Variants in NLGN1 observed in about 807,000 individuals in gnomAD.
NLGN1 encodes neuroligin 1.
A neutral mutation model predicts 65.5 loss-of-function variants in NLGN1; 12 were observed. The ratio of observed to expected loss-of-function variants is 0.18; its 90% CI spans 0.12 to 0.30. The LOEUF (loss-of-function observed/expected upper bound fraction) is 0.30, where lower values mean the gene tolerates loss of function less well. Among genes scored for constraint, NLGN1 ranks in the 10% least tolerant of loss-of-function variants. The pLI is 1.00. For missense variants in NLGN1, 750 were observed against 1,007.1 expected (o/e 0.74, Z 3.46); for synonymous variants, 350 against 359.5 (o/e 0.97, Z 0.30).
At chr3:174,190,623 T>C (rs946496647) in intron 4 of NLGN1, among the ~76,000 whole-genome samples, 3 of 151,974 alleles carry the variant, frequency 2.0e-5, no homozygotes, top group African/African-American at 7.2e-5. Context: ...TCATCAAAAT[T>C]GCCTTATTCA....
chr3:173,793,848 C>T (rs1713359770), intron 3 of NLGN1, among the ~76,000 whole-genome samples: 2 of 152,180 alleles, frequency 1.3e-5, no homozygotes, highest in South Asian at 4.2e-4. Flanking sequence ...GTTTAAGACT[C>T]AGATAGGGCA....
chr3:173,747,801 C>CTTCTTCTTTTTTTTTTTTT (rs1775714048), intron 3 of NLGN1, among the ~76,000 whole-genome samples: 1 of 64,422 alleles, frequency 1.6e-5, no homozygotes, highest in African/African-American at 6.2e-5. Flanking sequence ...TCTTCTTGTT[C>CTTCTTCTTTTTTTTTTTTT]TTTTTTTTTT....
intron 4 of NLGN1, among the ~76,000 whole-genome samples, chr3:174,098,944 TTTG>T (rs2152571987): frequency 6.6e-6 from 1 of 152,346 alleles, no homozygotes; most frequent in South Asian, 2.1e-4. Flanking sequence ...AGATTTTAGC[TTTG>T]TTAACTTAAA....
chr3:173,562,562 TA>T (rs76883121), intron 2 of NLGN1, among the ~76,000 whole-genome samples: 1,543 of 140,104 alleles, frequency 0.011, 9 homozygotes, highest in African/African-American at 0.026. Flanking sequence ...CAAGATTGTC[TA>T]AAAAAAAAAA....
At chr3:173,934,504 C>G (rs1744698365) in intron 4 of NLGN1, among the ~76,000 whole-genome samples, 1 of 151,756 alleles carries the variant, frequency 6.6e-6, no homozygotes, top group South Asian at 2.1e-4. Context: ...GGATAAAACT[C>G]AAATGGTGAC....
At chr3:173,778,478 G>A (rs2150307025) in intron 3 of NLGN1, among the ~76,000 whole-genome samples, 1 of 151,902 alleles carries the variant, frequency 6.6e-6, no homozygotes, top group Non-Finnish European at 1.5e-5. Flanking sequence ...AAGGGTAGAG[G>A]AAAACCAATA....
chr3:173,959,166 G>A (rs1466494912), intron 4 of NLGN1, among the ~76,000 whole-genome samples: 6 of 152,210 alleles, frequency 3.9e-5, no homozygotes, highest in South Asian at 2.1e-4. Context: ...GCCTCCAAGA[G>A]CACAGGGATG....
intron 2 of NLGN1, among the ~76,000 whole-genome samples, chr3:173,564,565 C>G (rs1052198890): frequency 6.6e-6 from 1 of 152,086 alleles, no homozygotes; most frequent in Admixed American, 6.5e-5. Context: ...CATGTAAGAT[C>G]CAGTGTAGAA....
At chr3:173,812,485 T>C (rs889057803) in intron 4 of NLGN1, among the ~76,000 whole-genome samples, 6 of 152,042 alleles carry the variant, frequency 3.9e-5, no homozygotes, top group African/African-American at 1.2e-4. Context: ...CTCAGCACTT[T>C]GGGAGGCTGA....
chr3:174,059,417 A>G (rs1410315488), intron 4 of NLGN1, among the ~76,000 whole-genome samples: 1 of 152,184 alleles, frequency 6.6e-6, no homozygotes, highest in Non-Finnish European at 1.5e-5. Flanking sequence ...TGAAACTGCT[A>G]TAAATGAAAG....
At chr3:173,965,208 C>G (rs1468533554) in intron 4 of NLGN1, among the ~76,000 whole-genome samples, 2 of 152,130 alleles carry the variant, frequency 1.3e-5, no homozygotes, top group African/African-American at 4.8e-5. Context: ...CCAAAGAAAT[C>G]TAAGAACTCC....
intron 3 of NLGN1, among the ~76,000 whole-genome samples, chr3:173,708,284 C>G (rs1222774273): frequency 6.6e-6 from 1 of 152,186 alleles, no homozygotes; most frequent in Admixed American, 6.5e-5. Context: ...GACCCTTGGA[C>G]TCCTGCATCC....
intron 4 of NLGN1, among the ~76,000 whole-genome samples, chr3:174,192,770 G>C (rs1313349198): frequency 2.0e-5 from 3 of 152,080 alleles, no homozygotes; most frequent in African/African-American, 7.2e-5. Context: ...CCTATGAAAA[G>C]CATCTGTTAT....
At chr3:173,678,493 A>T (rs540828400) in intron 3 of NLGN1, among the ~76,000 whole-genome samples, 1 of 152,220 alleles carries the variant, frequency 6.6e-6, no homozygotes, top group South Asian at 2.1e-4. Context: ...GTATTGAAGG[A>T]ATCGTAGGAA....
At chr3:173,803,875 A>G (rs558392258) in intron 3 of NLGN1, among the ~76,000 whole-genome samples, 62 of 152,306 alleles carry the variant, frequency 4.1e-4, no homozygotes, top group African/African-American at 1.5e-3. Flanking sequence ...TCACAATTTT[A>G]AAACTGTTAA....
chr3:174,078,506 G>C (rs967255091), intron 4 of NLGN1, among the ~76,000 whole-genome samples: 1 of 152,056 alleles, frequency 6.6e-6, no homozygotes, highest in Non-Finnish European at 1.5e-5. Context: ...TATAGGATTA[G>C]AATATTTCTT....
At chr3:173,767,350 T>C (rs1213170624) in intron 3 of NLGN1, among the ~76,000 whole-genome samples, 1 of 152,078 alleles carries the variant, frequency 6.6e-6, no homozygotes, top group East Asian at 1.9e-4. Flanking sequence ...GTTAGGTAGA[T>C]GAGTGATGGA....
intron 3 of NLGN1, among the ~76,000 whole-genome samples, chr3:173,716,479 G>A (rs780191130): frequency 1.3e-5 from 2 of 152,046 alleles, no homozygotes; most frequent in African/African-American, 2.4e-5. Flanking sequence ...TAATATACAG[G>A]AAGCAAGAGG....
At chr3:173,534,872 A>G (rs776857205) in intron 2 of NLGN1, among the ~76,000 whole-genome samples, 4 of 152,204 alleles carry the variant, frequency 2.6e-5, no homozygotes, top group African/African-American at 9.6e-5. Flanking sequence ...GCAACATTCA[A>G]CATAAAGCCT....
Sources: gnomAD v4.1 joint callset for allele counts (sites outside exome capture counted in the v4.1 genomes callset) on GRCh38, gnomAD v4.1.1 for gene constraint, MANE v1.5 for transcripts, NCBI Gene and HGNC (gene_info 2026-07-23, HGNC 2026-07-21) for gene names.